Variants in SPATA7 observed in about 807,000 individuals in gnomAD.
The protein encoded by SPATA7 is spermatogenesis-associated protein 7.
SPATA7 carries 43 observed loss-of-function variants against 51.8 expected under a neutral mutation model. That is an observed-to-expected ratio of 0.83 (90% CI 0.65 to 1.07). The LOEUF (loss-of-function observed/expected upper bound fraction) is 1.07. Among genes scored for constraint, SPATA7 ranks in the 50% least tolerant of loss-of-function variants. The pLI is 0.00. For missense variants in SPATA7, 683 were observed against 701.3 expected (o/e 0.97, Z 0.30); for synonymous variants, 230 against 252.8 (o/e 0.91, Z 0.86).
intron 4 of SPATA7, among the ~76,000 whole-genome samples, chr14:88,461,860 A>G (rs1036858786): frequency 1.3e-5 from 2 of 152,146 alleles, no homozygotes; most frequent in African/African-American, 4.8e-5. Flanking sequence ...CGCAAACAGT[A>G]TGTTTTTCTT....
intron 3 of SPATA7, among the ~76,000 whole-genome samples, chr14:88,393,950 C>T (rs1176835444): frequency 6.6e-6 from 1 of 152,020 alleles, no homozygotes; most frequent in African/African-American, 2.4e-5. Context: ...ACTACTACAA[C>T]CATGCTGTAA....
At chr14:88,393,168 C>G (rs530784021) in intron 2 of SPATA7, among the ~76,000 whole-genome samples, 6 of 152,192 alleles carry the variant, frequency 3.9e-5, no homozygotes, top group African/African-American at 1.2e-4. Context: ...CCCAGAGTCT[C>G]AGGCTTGTAA....
intron 3 of SPATA7, among the ~76,000 whole-genome samples, chr14:88,393,875 A>G (rs2075810241): frequency 6.6e-6 from 1 of 152,154 alleles, no homozygotes; most frequent in Non-Finnish European, 1.5e-5. Context: ...AACTTACATT[A>G]TAAAATGCAT....
At chr14:88,393,930 T>A (rs1349282135) in intron 3 of SPATA7, among the ~76,000 whole-genome samples, 1 of 152,166 alleles carries the variant, frequency 6.6e-6, no homozygotes, top group African/African-American at 2.4e-5. Context: ...ATGAACACAT[T>A]TGTATAAATA....
intron 4 of SPATA7, among the ~76,000 whole-genome samples, chr14:88,406,933 T>C (rs561813909): frequency 6.6e-6 from 1 of 152,348 alleles, no homozygotes; most frequent in East Asian, 1.9e-4. Context: ...GCAAAGGACA[T>C]GAACTCATTC....
chr14:88,410,474 T>A (rs535193498), intron 4 of SPATA7, among the ~76,000 whole-genome samples: 1 of 152,134 alleles, frequency 6.6e-6, no homozygotes, highest in East Asian at 1.9e-4. Context: ...AGAAGAGGCG[T>A]TCTGGTTTTT....
chr14:88,453,765 A>G (rs1436813467), intron 3 of SPATA7, among the ~76,000 whole-genome samples: 1 of 152,202 alleles, frequency 6.6e-6, no homozygotes, highest in African/African-American at 2.4e-5. Context: ...ACCGATTCAT[A>G]CTTCAGTGAT....
chr14:88,438,989 A>G (rs2077160019), downstream of SPATA7, among the ~76,000 whole-genome samples: 2 of 152,226 alleles, frequency 1.3e-5, no homozygotes, highest in Non-Finnish European at 2.9e-5. Flanking sequence ...TTGGGAATAT[A>G]TACAAGGGTG....
intron 3 of SPATA7, among the ~76,000 whole-genome samples, chr14:88,451,983 G>A (rs539657338): frequency 6.6e-6 from 1 of 152,238 alleles, no homozygotes; most frequent in African/African-American, 2.4e-5. Context: ...ATCTTTTGGG[G>A]TGTTAAAGAA....
rs781587897 is a variant in SPATA7, at chr14:88,426,217, A to G, written c.373-15A>G. On this transcript the variant is annotated splice_polypyrimidine_tract_variant and intron_variant, in intron 5 of 11. Transcript: ENST00000393545. ...TCGTAATGCAGTTGATGACTGTCAT[A>G]TCGAATGTTCTTAGCCCTCAGGCGA... 58 of 1,582,104 alleles carry G rather than the reference A, an allele frequency of 3.7e-5. No individual in the cohort carries two copies. The Admixed American group carries it at 8.2e-4, about 22-fold the overall frequency.
chr14:88,402,959 C>CAAAAAAAA (rs56330042), intron 4 of SPATA7, among the ~76,000 whole-genome samples: 300 of 61,160 alleles, frequency 4.9e-3, no homozygotes, highest in Non-Finnish European at 5.7e-3. Context: ...AACTCAATAG[C>CAAAAAAAA]AAAAAAAAAA....
At chr14:88,452,141 C>T (rs1239188747) in intron 3 of SPATA7, among the ~76,000 whole-genome samples, 2 of 152,138 alleles carry the variant, frequency 1.3e-5, no homozygotes, top group Non-Finnish European at 2.9e-5. Context: ...TCCCCTTTTC[C>T]CTAGGGATGG....
intron 4 of SPATA7, among the ~76,000 whole-genome samples, chr14:88,413,174 A>G (rs1243895548): frequency 2.6e-5 from 4 of 152,188 alleles, no homozygotes; most frequent in Non-Finnish European, 5.9e-5. Flanking sequence ...GACTCTTCCA[A>G]TCCACGAACA....
chr14:88,410,838 T>A (rs1264062881), intron 4 of SPATA7: 2 of 153,860 alleles, frequency 1.3e-5, no homozygotes, highest in Non-Finnish European at 2.9e-5. Context: ...TGTCAACCCC[T>A]GCTGGGAGGC....
In SPATA7 at chr14:88,460,358, A is replaced by G. The variant is rs566509789; in HGVS notation, c.255-9489A>G. Among the ~76,000 whole-genome samples, 177 of 151,930 alleles carry G rather than the reference A, an allele frequency of 1.2e-3. 1 individual carries two copies. Among genetic ancestry groups the G allele is most frequent in the African/African-American group, 3.8e-3 (156 of 41,358 alleles). On this transcript the variant is annotated intron_variant, in intron 4 of 4. Transcript: ENST00000556406. ...CTTTCAGGTACACCAATCAGACATA[A>G]ATTTGGTCTTTTCACATAGTCCCAT... is the stretch of plus-strand genomic sequence containing the variant.
chr14:88,400,991 A>G (rs1178416338), intron 4 of SPATA7, among the ~76,000 whole-genome samples: 1 of 152,198 alleles, frequency 6.6e-6, no homozygotes, highest in Non-Finnish European at 1.5e-5. Context: ...CTCCAAACTC[A>G]TTTTATGAGG....
intron 4 of SPATA7, among the ~76,000 whole-genome samples, chr14:88,412,481 G>A (rs80230012): frequency 0.035 from 5,344 of 152,102 alleles, 309 homozygotes; most frequent in African/African-American, 0.12. Flanking sequence ...GAGTAGGCCA[G>A]CCTCAACCCT....
chr14:88,455,619 T>C (rs534051343), downstream of SPATA7, among the ~76,000 whole-genome samples: 12 of 152,330 alleles, frequency 7.9e-5, no homozygotes, highest in South Asian at 6.2e-4. Context: ...ATTAAGCTCT[T>C]CTGATTATAA....
chr14:88,399,962 A>G (rs1035108616), intron 4 of SPATA7, among the ~76,000 whole-genome samples: 4 of 152,212 alleles, frequency 2.6e-5, no homozygotes, highest in Non-Finnish European at 5.9e-5. Flanking sequence ...GCTGACTTGA[A>G]CAACATAATA....
Sources: gnomAD v4.1 joint callset for allele counts (sites outside exome capture counted in the v4.1 genomes callset) on GRCh38, gnomAD v4.1.1 for gene constraint, MANE v1.5 for transcripts, NCBI Gene and HGNC (gene_info 2026-07-23, HGNC 2026-07-21) for gene names.